The following DCLK1 variants were observed in gnomAD, a reference collection of about 807,000 sequenced individuals.
DCLK1 encodes doublecortin like kinase 1.
A neutral mutation model predicts 86.2 loss-of-function variants in DCLK1; 16 were observed. The observed-to-expected ratio is 0.19, with a 90% confidence interval of 0.13 to 0.28. DCLK1 has a LOEUF of 0.28. Among genes scored for constraint, DCLK1 ranks in the 10% least tolerant of loss-of-function variants. The pLI is 1.00. For missense variants in DCLK1, 590 were observed against 940.2 expected, an observed-to-expected ratio of 0.63 and a Z score of 4.87; for synonymous variants, 369 against 370.5, an observed-to-expected ratio of 1.00 and a Z score of 0.05.
intron 11 of DCLK1, 121 bp from the exon 12 acceptor site, chr13:35,811,089 A>C (rs774848923): frequency 1.8e-5 from 22 of 1,250,192 alleles, no homozygotes; most frequent in Non-Finnish European, 2.5e-5. Flanking sequence ...AAATTAGGCA[A>C]TTATGCAAGA....
At chr13:36,097,215 C>G (rs938777775) in intron 3 of DCLK1, among the ~76,000 whole-genome samples, 3 of 152,152 alleles carry the variant, frequency 2.0e-5, no homozygotes, top group African/African-American at 7.2e-5. Context: ...GGCTGCTGGG[C>G]TAGGGGTGGG....
chr13:35,989,713 T>C (rs956809518), intron 3 of DCLK1, among the ~76,000 whole-genome samples: 3 of 146,368 alleles, frequency 2.0e-5, no homozygotes, highest in Non-Finnish European at 4.6e-5. Context: ...CTAATTGGCT[T>C]TTTTTTTTTT....
chr13:35,944,701 T>C (rs1028845023), intron 4 of DCLK1, among the ~76,000 whole-genome samples: 7 of 152,076 alleles, frequency 4.6e-5, no homozygotes, highest in African/African-American at 1.7e-4. Flanking sequence ...CAAATGTATT[T>C]CACACCAAGA....
At chr13:35,990,396 A>G (rs1433492958) in intron 3 of DCLK1, among the ~76,000 whole-genome samples, 3 of 152,004 alleles carry the variant, frequency 2.0e-5, no homozygotes, top group African/African-American at 7.2e-5. Flanking sequence ...GCGCTCTTTG[A>G]TGCTCCAGAA....
At chr13:35,854,152 ACTT>A (rs1249294390) in intron 6 of DCLK1, among the ~76,000 whole-genome samples, 7 of 152,096 alleles carry the variant, frequency 4.6e-5, no homozygotes, top group African/African-American at 1.4e-4. Flanking sequence ...CATTCACAGC[ACTT>A]CTTCTTTCCC....
chr13:35,942,997 T>G (rs1313377720), intron 4 of DCLK1, among the ~76,000 whole-genome samples: 1 of 152,216 alleles, frequency 6.6e-6, no homozygotes, highest in Non-Finnish European at 1.5e-5. Context: ...CAATGTCTTT[T>G]TTAGGTTGAA....
chr13:35,776,480 A>C (rs2086426721), intron 16 of DCLK1, among the ~76,000 whole-genome samples: 1 of 152,208 alleles, frequency 6.6e-6, no homozygotes, highest in South Asian at 2.1e-4. Flanking sequence ...AGAGGCAGTC[A>C]GATGTGGGGA....
intron 16 of DCLK1, among the ~76,000 whole-genome samples, chr13:35,775,055 T>A: frequency 6.6e-6 from 1 of 152,010 alleles, no homozygotes; most frequent in East Asian, 1.9e-4. Flanking sequence ...GGTGCCTGAG[T>A]CCTGTGTGTA....
intron 4 of DCLK1, among the ~76,000 whole-genome samples, chr13:35,933,327 T>C (rs1424206440): frequency 6.6e-6 from 1 of 152,218 alleles, no homozygotes; most frequent in Non-Finnish European, 1.5e-5. Context: ...ACCACCATTC[T>C]GGGGCCTGGA....
intron 3 of DCLK1, among the ~76,000 whole-genome samples, chr13:36,100,933 T>C (rs536933045): frequency 6.6e-6 from 1 of 152,314 alleles, no homozygotes; most frequent in Non-Finnish European, 1.5e-5. Flanking sequence ...TTATTATAGC[T>C]GGAAATTATT....
chr13:36,075,886 A>G (rs1291358890), intron 3 of DCLK1, among the ~76,000 whole-genome samples: 16 of 151,992 alleles, frequency 1.1e-4, no homozygotes, highest in Non-Finnish European at 2.9e-5. Flanking sequence ...TTAGCCGAAC[A>G]CAGTGGCACA....
At chr13:36,070,936 C>A (rs1001047032) in intron 3 of DCLK1, among the ~76,000 whole-genome samples, 1 of 152,206 alleles carries the variant, frequency 6.6e-6, no homozygotes, top group East Asian at 1.9e-4. Flanking sequence ...TGAGCCACCG[C>A]GCCCGGCCCC....
chr13:36,000,040 A>G (rs1008241256), intron 3 of DCLK1, among the ~76,000 whole-genome samples: 7 of 152,188 alleles, frequency 4.6e-5, no homozygotes, highest in African/African-American at 1.7e-4. Flanking sequence ...AGTAACTGCA[A>G]GCTTTAAGTC....
intron 2 of DCLK1, among the ~76,000 whole-genome samples, chr13:36,112,670 A>G (rs1020765931): frequency 6.6e-6 from 1 of 152,236 alleles, no homozygotes; most frequent in Non-Finnish European, 1.5e-5. Flanking sequence ...TAATTTACGA[A>G]TTTGATGAGA....
intron 1 of DCLK1, 113 bp from the exon 2 acceptor site, chr13:36,126,269 C>T (rs76510401): frequency 0.026 from 23,496 of 896,808 alleles, 1,032 homozygotes; most frequent in Non-Finnish European, 0.032. Context: ...GCTCTGTCAC[C>T]GGGCTGCAGT....
At chr13:36,110,717 C>T (rs1885582581) in intron 3 of DCLK1, among the ~76,000 whole-genome samples, 1 of 151,892 alleles carries the variant, frequency 6.6e-6, no homozygotes. Context: ...TTTAAAAAAG[C>T]ATTTTGATAG....
At chr13:36,037,095 A>G (rs1448620997) in intron 3 of DCLK1, among the ~76,000 whole-genome samples, 1 of 152,188 alleles carries the variant, frequency 6.6e-6, no homozygotes, top group Admixed American at 6.5e-5. Context: ...CTGCAGCAAC[A>G]TGAATGGAAC....
intron 3 of DCLK1, among the ~76,000 whole-genome samples, chr13:36,084,847 T>C (rs1402263834): frequency 6.6e-6 from 1 of 152,232 alleles, no homozygotes; most frequent in African/African-American, 2.4e-5. Context: ...GATAGACTTA[T>C]ATAAGTACTT....
At chr13:36,105,066 A>G (rs1885341905) in intron 3 of DCLK1, among the ~76,000 whole-genome samples, 1 of 152,200 alleles carries the variant, frequency 6.6e-6, no homozygotes, top group Admixed American at 6.5e-5. Context: ...TTATTATGCC[A>G]TCTTAAAGAA....
Sources: allele counts gnomAD v4.1 joint callset (sites outside exome capture counted in the v4.1 genomes callset), GRCh38; gene constraint gnomAD v4.1.1; transcripts MANE v1.5; gene names NCBI Gene and HGNC (gene_info 2026-07-23, HGNC 2026-07-21).